GABBR2: variants seen among roughly 807,000 people sequenced by gnomAD.
GABBR2 encodes the protein gamma-aminobutyric acid type B receptor subunit 2.
GABBR2 carries 23 observed loss-of-function variants against 105.6 expected under a neutral mutation model. The observed-to-expected ratio is 0.22, with a 90% CI of 0.16 to 0.31. The LOEUF (loss-of-function observed/expected upper bound fraction) is 0.31, where lower values mean the gene tolerates loss of function less well. GABBR2 is among the 10% of genes least tolerant of loss of function. GABBR2 has a pLI of 1.00. For missense variants in GABBR2, 734 were observed against 1,245.5 expected, an observed-to-expected ratio of 0.59 and a Z score of 6.18; for synonymous variants, 478 against 499.7, an observed-to-expected ratio of 0.96 and a Z score of 0.58.
intron 1 of GABBR2, among the ~76,000 whole-genome samples, chr9:98,622,880 A>G (rs1199007441): frequency 6.6e-6 from 1 of 152,202 alleles, no homozygotes; most frequent in Non-Finnish European, 1.5e-5. Context: ...ACTCCATACA[A>G]TTCTGTAATG....
chr9:98,429,552 C>T (rs1825761770), intron 7 of GABBR2, among the ~76,000 whole-genome samples: 1 of 152,168 alleles, frequency 6.6e-6, no homozygotes, highest in Non-Finnish European at 1.5e-5. Flanking sequence ...TCAAACTCTC[C>T]TTAGAAGTAG....
intron 1 of GABBR2, among the ~76,000 whole-genome samples, chr9:98,664,069 G>A (rs72760685): frequency 0.11 from 17,459 of 152,154 alleles, 1,149 homozygotes; most frequent in African/African-American, 0.17. Context: ...CTTGTCAAAT[G>A]TGTGATTGGA....
rs140519198 is a variant in GABBR2 at position 98,627,425 on chromosome 9, A to T, written c.322-49353T>A. Among the ~76,000 whole-genome samples the T allele has an allele frequency of 4.6e-5, 7 of 152,290 alleles. No homozygotes were observed. The East Asian group carries it at 1.2e-3, about 25-fold the overall frequency. The stretch of plus-strand genomic sequence containing the variant: ...TGTGTATGAGATGGAGAGAGTTGAG[A>T]CAAGCTATTCCCCAGCCTCTTGTTC... On this transcript the variant is annotated intron_variant, in intron 1 of 18. Coordinates refer to ENST00000259455, the MANE Select transcript of GABBR2 (RefSeq NM_005458.8).
At position 98,564,496 on chromosome 9, in the gene GABBR2, C is replaced by G. The variant is rs539981452; in HGVS notation, c.459+13439G>C. On this transcript the variant is annotated intron_variant, in intron 2 of 18. Transcript: ENST00000259455. The stretch of plus-strand genomic sequence containing the variant: ...TCCGGAGCCATTTAAGAAGGGCAAT[C>G]CTTTGGCAAGGCACTCAACCTCTTT... Among the ~76,000 whole-genome samples the G allele has an allele frequency of 3.3e-5, 5 of 152,320 alleles. No individual in the cohort carries two copies. In the Middle Eastern group the frequency reaches 0.01, roughly 311 times the overall value.
chr9:98,507,135 C>T (rs2131688419), intron 3 of GABBR2, among the ~76,000 whole-genome samples: 1 of 152,284 alleles, frequency 6.6e-6, no homozygotes, highest in East Asian at 1.9e-4. Flanking sequence ...TTTAGAAATT[C>T]CAAAGAATCA....
intron 1 of GABBR2, among the ~76,000 whole-genome samples, chr9:98,616,330 T>G (rs1829581885): frequency 6.6e-6 from 1 of 152,230 alleles, no homozygotes; most frequent in Non-Finnish European, 1.5e-5. Context: ...CTACACTTGT[T>G]CCTAATTGGT....
At chr9:98,437,640 G>A (rs1825949899) in intron 7 of GABBR2, among the ~76,000 whole-genome samples, 1 of 138,818 alleles carries the variant, frequency 7.2e-6, no homozygotes, top group East Asian at 2.3e-4. Context: ...CCATCTTCCT[G>A]TTAATCCATC....
At chr9:98,426,153 C>T (rs1043096557) in intron 7 of GABBR2, among the ~76,000 whole-genome samples, 1 of 152,166 alleles carries the variant, frequency 6.6e-6, no homozygotes, top group South Asian at 2.1e-4. Context: ...GCTGCAGGGG[C>T]CTCCTGCCAA....
At chr9:98,379,470 T>C (rs752441404) in intron 11 of GABBR2, among the ~76,000 whole-genome samples, 7 of 152,196 alleles carry the variant, frequency 4.6e-5, no homozygotes, top group Non-Finnish European at 8.8e-5. Flanking sequence ...GATTTTACTA[T>C]GTTGGCCAGG....
chr9:98,593,954 AGGGACTCTACTCAAG>A (rs1829187581), intron 1 of GABBR2, among the ~76,000 whole-genome samples: 1 of 152,160 alleles, frequency 6.6e-6, no homozygotes, highest in Non-Finnish European at 1.5e-5. Context: ...CACTGTGATG[AGGGACTCTACTCAAG>A]GGCTCCAATT....
chr9:98,359,190 G>A (rs865836505), intron 13 of GABBR2, among the ~76,000 whole-genome samples: 2 of 152,194 alleles, frequency 1.3e-5, no homozygotes, highest in African/African-American at 4.8e-5. Context: ...CACTTTGGGA[G>A]GCTGAGGCAG....
At chr9:98,617,019 T>TACTG (rs1269947572) in intron 1 of GABBR2, among the ~76,000 whole-genome samples, 1 of 152,218 alleles carries the variant, frequency 6.6e-6, no homozygotes, top group East Asian at 1.9e-4. Flanking sequence ...CTTCCCCAGG[T>TACTG]ACTGCATGTC....
At chr9:98,399,923 C>T (rs1182538860) in intron 8 of GABBR2, among the ~76,000 whole-genome samples, 1 of 151,236 alleles carries the variant, frequency 6.6e-6, no homozygotes, top group African/African-American at 2.4e-5. Flanking sequence ...CCTGTGATCT[C>T]AGCACTTTGG....
intron 1 of GABBR2, among the ~76,000 whole-genome samples, chr9:98,663,386 A>G (rs550150074): frequency 3.9e-5 from 6 of 152,304 alleles, no homozygotes; most frequent in African/African-American, 1.2e-4. Flanking sequence ...TCTACCTGAT[A>G]GCAATCGGCA....
intron 2 of GABBR2, among the ~76,000 whole-genome samples, chr9:98,544,930 C>G (rs186019658): frequency 6.6e-6 from 1 of 152,264 alleles, no homozygotes; most frequent in Admixed American, 6.5e-5. Context: ...ATTCTTCTCA[C>G]AAGATTAAAA....
At chr9:98,315,290 G>A (rs984355031) in intron 13 of GABBR2, among the ~76,000 whole-genome samples, 4 of 152,228 alleles carry the variant, frequency 2.6e-5, no homozygotes, top group East Asian at 1.9e-4. Context: ...TGGGGTGGCC[G>A]AGCTGCTCCC....
chr9:98,700,617 C>T (rs193039004), intron 1 of GABBR2, among the ~76,000 whole-genome samples: 2 of 152,290 alleles, frequency 1.3e-5, no homozygotes, highest in Admixed American at 1.3e-4. Flanking sequence ...ATCTCTTATG[C>T]TTACAAGTCT....
chr9:98,570,138 G>A (rs972765339), intron 2 of GABBR2, among the ~76,000 whole-genome samples: 3 of 152,108 alleles, frequency 2.0e-5, no homozygotes, highest in African/African-American at 7.2e-5. Context: ...AGTCCTCCTT[G>A]CCTCCACTCC....
In GABBR2 at chr9:98,385,712, G is replaced by C. The variant is rs1273390230; in HGVS notation, c.1590C>G (p.Ser530=). ...GGCCAAAGAGAAATATGGAAGCATA[G>C]GAGAGCATCCCTCCAAGGATGATAA... ...NNLIILGGML[S]YASIFLFGLD... is the part of the protein sequence containing the mutation. Residue 530 remains serine (S), a synonymous_variant, in exon 11 of 19, where the codon TCC becomes TCG. Transcript: ENST00000259455. 6.2e-7 allele frequency: 1 copy of C among 1,606,230 alleles called. No homozygotes were observed. The highest frequency in any genetic ancestry group is 1.1e-5 in the South Asian group (1 of 90,924).
Sources: gnomAD v4.1 joint callset for allele counts (sites outside exome capture counted in the v4.1 genomes callset) on GRCh38, gnomAD v4.1.1 for gene constraint, MANE v1.5 for transcripts, NCBI Gene and HGNC (gene_info 2026-07-23, HGNC 2026-07-21) for gene names.